The following MEIS2 variants were observed in gnomAD, a reference collection of about 807,000 sequenced individuals.
MEIS2 encodes Meis homeobox 2.
Under a neutral mutation model 58.6 loss-of-function variants are expected in MEIS2, and 9 were observed. The ratio of observed to expected loss-of-function variants is 0.15; its 90% CI spans 0.09 to 0.27. The LOEUF is 0.27. Ranked by LOEUF, MEIS2 falls within the 10% of genes least tolerant of loss-of-function variation. The probability of loss-of-function intolerance (pLI) is 1.00; values close to 1 mark genes in which losing one functional copy is unlikely to be tolerated. For synonymous variants in MEIS2, 221 were observed against 228.4 expected (o/e 0.97, Z 0.29); for missense variants, 427 against 635.0 (o/e 0.67, Z 3.52).
At chr15:37,007,801 T>C (rs1216013791) in intron 8 of MEIS2, among the ~76,000 whole-genome samples, 2 of 152,212 alleles carry the variant, frequency 1.3e-5, no homozygotes, top group East Asian at 3.9e-4. Flanking sequence ...CTTTGCTATG[T>C]TAATAAAGAG....
chr15:37,078,078 T>A (rs992924513), intron 7 of MEIS2, among the ~76,000 whole-genome samples: 1 of 152,100 alleles, frequency 6.6e-6, no homozygotes, highest in African/African-American at 2.4e-5. Flanking sequence ...CATGAAAGTA[T>A]CCCTCTGTCT....
At chr15:36,914,046 G>A (rs960165933) in intron 9 of MEIS2, among the ~76,000 whole-genome samples, 1 of 152,170 alleles carries the variant, frequency 6.6e-6, no homozygotes, top group African/African-American at 2.4e-5. Context: ...CAAAGCGATT[G>A]GTGGTATGGT....
At chr15:37,026,203 ATCTACAGGG>A (rs2061699114) in intron 8 of MEIS2, among the ~76,000 whole-genome samples, 1 of 152,160 alleles carries the variant, frequency 6.6e-6, no homozygotes, top group Non-Finnish European at 1.5e-5. Context: ...GTGTCACCAA[ATCTACAGGG>A]AATAATCTAG....
At chr15:36,994,923 A>T (rs1277182353) in intron 8 of MEIS2, among the ~76,000 whole-genome samples, 1 of 152,246 alleles carries the variant, frequency 6.6e-6, no homozygotes, top group Admixed American at 6.5e-5. Flanking sequence ...GTCTAGCCAG[A>T]ATTTATGAGA....
At chr15:36,929,299 A>G (rs2141324410) in intron 9 of MEIS2, among the ~76,000 whole-genome samples, 1 of 152,376 alleles carries the variant, frequency 6.6e-6, no homozygotes, top group Middle Eastern at 3.4e-3. Context: ...CAGAAAGGAA[A>G]GAGCTCCCTT....
At chr15:36,894,558 G>C (rs2056067434) in intron 11 of MEIS2, 1 of 550,502 alleles carries the variant, frequency 1.8e-6, no homozygotes, top group African/African-American at 1.9e-5. Flanking sequence ...AGTGTCATCT[G>C]TGACTTCAGA....
rs58199968 is a variant in MEIS2 at position 36,916,430 on chromosome 15, T to TAAA, written c.978-19747_978-19745dup. On this transcript the variant is annotated intron_variant, in intron 9 of 11. Transcript: ENST00000561208. ...TGATGGAGCGAGACTCCATCTCAAT[T>TAAA]AAAAAAAAAAAAAAAAAAAGAGACA... 1.0e-2 allele frequency among the ~76,000 whole-genome samples: 1,214 copies of TAAA among 121,478 alleles called. 21 individuals are homozygous for TAAA. The highest frequency in any genetic ancestry group is 0.036 in the African/African-American group (1,154 of 32,488). The allele number at this position is 121,478 out of a possible 152,430, so 79.7% of individuals were successfully genotyped here.
At chr15:36,934,609 G>T (rs1469970779) in intron 9 of MEIS2, among the ~76,000 whole-genome samples, 2 of 152,108 alleles carry the variant, frequency 1.3e-5, no homozygotes, top group Non-Finnish European at 2.9e-5. Flanking sequence ...ACAAGTAATT[G>T]TACTGGCTTT....
intron 8 of MEIS2, among the ~76,000 whole-genome samples, chr15:37,017,353 T>C (rs1290919938): frequency 2.6e-5 from 4 of 152,104 alleles, no homozygotes; most frequent in Non-Finnish European, 5.9e-5. Context: ...CTGTAATCCC[T>C]GCACTTTGGG....
intron 8 of MEIS2, among the ~76,000 whole-genome samples, chr15:37,026,156 G>GA (rs1027767550): frequency 1.3e-5 from 2 of 151,784 alleles, no homozygotes; most frequent in Non-Finnish European, 2.9e-5. Flanking sequence ...TCACCATGGG[G>GA]AAAAAAAATA....
At chr15:37,037,307 C>T (rs900942002) in intron 7 of MEIS2, among the ~76,000 whole-genome samples, 7 of 152,182 alleles carry the variant, frequency 4.6e-5, no homozygotes, top group African/African-American at 1.2e-4. Context: ...AGAGTGAACA[C>T]ATACTGTAGG....
At chr15:37,088,847 T>C (rs2141935621) in intron 6 of MEIS2, among the ~76,000 whole-genome samples, 3 of 152,252 alleles carry the variant, frequency 2.0e-5, no homozygotes, top group Admixed American at 2.0e-4. Context: ...AAACTTTGAA[T>C]TGTGTTGGGA....
rs1015578389 is a variant in MEIS2 at position 36,991,968 on chromosome 15, T to C, written c.901-41568A>G. ...ACGCCCGGCTAATTTTTTGTATTTT[T>C]AGTAGAGACGGGGTTTCACCGTTTT... On this transcript the variant is annotated intron_variant, in intron 8 of 11. Coordinates refer to ENST00000561208, the MANE Select transcript of MEIS2 (RefSeq NM_170675.5). Among the ~76,000 whole-genome samples, 22 of 150,508 alleles carry C rather than the reference T, an allele frequency of 1.5e-4. 1 individual carries two copies. The South Asian group carries it at 3.4e-3, about 23-fold the overall frequency.
intron 8 of MEIS2, 136 bp downstream of exon 8, chr15:37,036,678 A>T: frequency 1.0e-6 from 1 of 972,440 alleles, no homozygotes; most frequent in Non-Finnish European, 1.4e-6. Flanking sequence ...AAAAAACTTT[A>T]ACTAGTCTGT....
intron 9 of MEIS2, among the ~76,000 whole-genome samples, chr15:36,901,431 A>C (rs2056465931): frequency 6.6e-6 from 1 of 152,224 alleles, no homozygotes; most frequent in South Asian, 2.1e-4. Flanking sequence ...ATGCCTTTGA[A>C]GATGAACTTG....
At chr15:37,098,237 T>A in intron 1 of MEIS2, 38 bp from the exon 2 acceptor site, 1 of 1,472,460 alleles carries the variant, frequency 6.8e-7, no homozygotes, top group Non-Finnish European at 9.1e-7. Flanking sequence ...GCGCAGGAGG[T>A]GAGGGAGAAC....
At chr15:37,017,889 T>G (rs2061402522) in intron 8 of MEIS2, among the ~76,000 whole-genome samples, 1 of 152,202 alleles carries the variant, frequency 6.6e-6, no homozygotes, top group Non-Finnish European at 1.5e-5. Flanking sequence ...AATTTTGAAT[T>G]TATTTTACCT....
chr15:37,057,101 T>C (rs1363155617), intron 7 of MEIS2, among the ~76,000 whole-genome samples: 1 of 152,198 alleles, frequency 6.6e-6, no homozygotes, highest in African/African-American at 2.4e-5. Context: ...TGGAGTCAAA[T>C]CCTCACGGCA....
chr15:36,991,779 TTTTC>T (rs1266256655), intron 8 of MEIS2, among the ~76,000 whole-genome samples: 3,141 of 70,296 alleles, frequency 0.045, 405 homozygotes, highest in East Asian at 0.17. Context: ...TTCTTTTTTT[TTTTC>T]TTTTTTTTTT....
Sources: allele counts gnomAD v4.1 joint callset (sites outside exome capture counted in the v4.1 genomes callset), GRCh38; gene constraint gnomAD v4.1.1; transcripts MANE v1.5; gene names NCBI Gene and HGNC (gene_info 2026-07-23, HGNC 2026-07-21).